HTT: variants seen among roughly 807,000 people sequenced by gnomAD.
HTT encodes huntington disease protein.
HTT carries 104 observed loss-of-function variants against 362.3 expected under a neutral mutation model. The ratio of observed to expected loss-of-function variants is 0.29; its 90% CI spans 0.24 to 0.34. HTT has a LOEUF of 0.34. Ranked by LOEUF, HTT falls within the 10% of genes least tolerant of loss-of-function variation. HTT has a pLI of 1.00. For synonymous variants in HTT, 1,577 were observed against 1,548.7 expected (o/e 1.02, Z -0.43); for missense variants, 3,301 against 3,928.6 (o/e 0.84, Z 4.27).
chr4:3,187,891 G>A lies in HTT; in HGVS notation c.5225+5G>A, dbSNP rs1718841582. On this transcript the variant is annotated splice_donor_5th_base_variant and intron_variant, in intron 39 of 66. Coordinates refer to ENST00000355072, the MANE Select transcript of HTT (RefSeq NM_001388492.1). ...GCCAGAAGAAACATTTTCAAGGTAT[G>A]CTTTCTATCTGAGCCTATAACTAAC... The A allele has an allele frequency of 2.6e-6, 4 of 1,566,746 alleles. No individual in the cohort carries two copies. In the South Asian group the frequency reaches 4.5e-5, roughly 17 times the overall value.
chr4:3,080,414 A>G (rs986480982), intron 1 of HTT, among the ~76,000 whole-genome samples: 3 of 152,136 alleles, frequency 2.0e-5, no homozygotes, highest in Non-Finnish European at 4.4e-5. Context: ...GCTCTTTCTT[A>G]TACTTACCTT....
intron 6 of HTT, among the ~76,000 whole-genome samples, chr4:3,111,064 T>A: frequency 6.6e-6 from 1 of 152,170 alleles, no homozygotes; most frequent in East Asian, 1.9e-4. Context: ...GTTGCCCAGG[T>A]TGTGGTGCAG....
Position 3,236,114 on chromosome 4 carries a change from A to G in HTT, c.8786-35A>G, listed in dbSNP as rs148050584. 639 of 1,457,892 alleles carry G rather than the reference A, an allele frequency of 4.4e-4. 4 individuals carry two copies. In the African/African-American group the frequency reaches 7.4e-3, roughly 17 times the overall value. The allele number at this position is 1,457,892 out of a possible 1,614,324, so 90.3% of individuals were successfully genotyped here. On this transcript the variant is annotated intron_variant, in intron 63 of 66. Transcript: ENST00000355072. ...GTCTACAGAGCCTATTGGGTTGTAT[A>G]GAGGTAACCTTCGTACTGAACACTT... is the stretch of plus-strand genomic sequence containing the variant.
intron 54 of HTT, among the ~76,000 whole-genome samples, 163 bp from the exon 55 acceptor site, chr4:3,223,243 G>A (rs1055764759): frequency 1.3e-5 from 2 of 152,244 alleles, no homozygotes; most frequent in African/African-American, 4.8e-5. Context: ...CGTGTGTGCG[G>A]AGGCCCTGCC....
chr4:3,088,253 C>G (rs1713316027), intron 2 of HTT, among the ~76,000 whole-genome samples: 1 of 147,704 alleles, frequency 6.8e-6, no homozygotes, highest in African/African-American at 2.5e-5. Context: ...GTGGCATGAT[C>G]TTGGCTTACT....
Position 3,211,994 on chromosome 4 carries a change from G to A in HTT, c.6480G>A (p.Gln2160=), listed in dbSNP as rs1194659608. Residue 2160 remains glutamine, a synonymous_variant, in exon 48 of 67, where the codon CAG becomes CAA. Coordinates refer to ENST00000355072, the MANE Select transcript of HTT (RefSeq NM_001388492.1). The stretch of plus-strand genomic sequence containing the variant: ...GGATGAGTGAAATTTCTGGTGGCCA[G>A]AAGAGTGCCCTTTTTGAAGCAGCCC... ...SLGMSEISGG[Q]KSALFEAARE... 6.2e-7 allele frequency: 1 copy of A among 1,614,220 alleles called. No homozygotes were observed. The highest frequency in any genetic ancestry group is 1.7e-5 in the Admixed American group (1 of 60,034).
At chr4:3,199,676 A>G (rs778063676) in intron 40 of HTT, 56 bp from the exon 41 acceptor site, 3 of 1,488,358 alleles carry the variant, frequency 2.0e-6, no homozygotes, top group African/African-American at 2.8e-5. Flanking sequence ...TCGCGTAGCC[A>G]TGTGGCACTG....
intron 26 of HTT, 152 bp from the exon 27 acceptor site, chr4:3,154,141 A>G: frequency 1.6e-6 from 1 of 606,586 alleles, no homozygotes; most frequent in Non-Finnish European, 2.9e-6. Flanking sequence ...CAGTGTCTGA[A>G]CTGTACATAT....
intron 29 of HTT, among the ~76,000 whole-genome samples, chr4:3,171,302 G>A (rs555934478): frequency 4.4e-4 from 67 of 152,172 alleles, no homozygotes; most frequent in African/African-American, 1.5e-3. Flanking sequence ...TTAAACAAGT[G>A]GAGAGAGAGG....
At chr4:3,191,975 A>G (rs1719031715) in intron 40 of HTT, among the ~76,000 whole-genome samples, 1 of 152,214 alleles carries the variant, frequency 6.6e-6, no homozygotes, top group African/African-American at 2.4e-5. Context: ...AGGCAAGGGT[A>G]GTTGGTAGGA....
chr4:3,091,283 G>A (rs1041770636), intron 2 of HTT, among the ~76,000 whole-genome samples: 5 of 152,282 alleles, frequency 3.3e-5, no homozygotes, highest in Admixed American at 3.3e-4. Context: ...TTAGGGAAAT[G>A]AGGGAAATGA....
chr4:3,210,435 C>G (rs145476190), intron 47 of HTT, among the ~76,000 whole-genome samples: 10 of 152,274 alleles, frequency 6.6e-5, no homozygotes, highest in African/African-American at 1.9e-4. Flanking sequence ...GATCTTTAGT[C>G]GTAAAAGAGA....
chr4:3,092,326 A>G (rs569666345), intron 2 of HTT, among the ~76,000 whole-genome samples: 153 of 152,272 alleles, frequency 1.0e-3, no homozygotes, highest in African/African-American at 3.4e-3. Context: ...GGCCAGATAC[A>G]TTTATACAAG....
At position 3,235,743 on chromosome 4, in the gene HTT, C is replaced by T. The variant is rs1721494654; in HGVS notation, c.8750C>T (p.Ala2917Val). The change falls in exon 63 of 67, where the codon GCG becomes GTG. Residue 2917 changes from alanine to valine, a missense_variant. Around this residue, in one of 4 missense-constraint regions of HTT, gnomAD observed 753 missense variants for 1,021.3 expected, o/e 0.74. Coordinates refer to ENST00000355072, the MANE Select transcript of HTT (RefSeq NM_001388492.1). ...VNVHSPHRAM[A>V]ALGLMLTCMY... is the part of the protein sequence containing the mutation. ...GTGCACAGCCCGCACCGGGCCATGG[C>T]GGCTCTGGGCCTGATGCTCACCTGC... 1.2e-6 allele frequency: 2 copies of T among 1,611,258 alleles called. No homozygotes were observed. The highest frequency in any genetic ancestry group is 1.7e-6 in the Non-Finnish European group (2 of 1,179,974).
chr4:3,182,765 G>C (rs1410227233), intron 37 of HTT, among the ~76,000 whole-genome samples: 2 of 152,160 alleles, frequency 1.3e-5, no homozygotes, highest in Non-Finnish European at 2.9e-5. Context: ...TAACTCTAAA[G>C]CCCGAACCCT....
chr4:3,211,917 C>T lies in HTT; in HGVS notation c.6415-12C>T, dbSNP rs1206240729. ...TGTTATTGTTTGTTAACCTTTAATG[C>T]TCTGATTTCAGGAGTTCAACCTAAG... is the stretch of plus-strand genomic sequence containing the variant. On this transcript the variant is annotated splice_polypyrimidine_tract_variant and intron_variant, in intron 47 of 66. Transcript: ENST00000355072. 1 of 1,598,248 alleles carries T rather than the reference C, an allele frequency of 6.3e-7. No homozygotes were observed. The highest frequency in any genetic ancestry group is 2.2e-5 in the East Asian group (1 of 44,814).
rs1465306389 is a variant in HTT at position 3,094,689 on chromosome 4, G to A, written c.348-4585G>A. ...GGGGGCTGCCCCCCACCTCCCGGAC[G>A]GGGCGGCTGGCCGGGCGGGGGCTGC... On this transcript the variant is annotated intron_variant, in intron 2 of 66. Coordinates refer to ENST00000355072, the MANE Select transcript of HTT (RefSeq NM_001388492.1). 6.9e-5 allele frequency among the ~76,000 whole-genome samples: 9 copies of A among 129,664 alleles called. 1 individual carries two copies. Among genetic ancestry groups the A allele is most frequent in the East Asian group, 4.0e-4 (2 of 4,950 alleles). The allele number at this position is 129,664 out of a possible 152,430, so 85.1% of individuals were successfully genotyped here.
Position 3,239,963 on chromosome 4 carries a change from C to A in HTT, c.9333C>A (p.Ala3111=). Residue 3111 remains alanine, a synonymous_variant, in exon 67 of 67, where the codon GCC becomes GCA. Transcript: ENST00000355072. Reference sequence around the variant, plus strand: ...TAGAGGAGGAGCTCGACCGCAGGGCCTTCCAGTCTGTGCTTGAGGTGGTTG... The same window carrying A: ...TAGAGGAGGAGCTCGACCGCAGGGCATTCCAGTCTGTGCTTGAGGTGGTTG... ...HQIEEELDRR[A]FQSVLEVVAA... The A allele has an allele frequency of 1.9e-6, 3 of 1,595,988 alleles. No individual in the cohort carries two copies. The highest frequency in any genetic ancestry group is 2.6e-6 in the Non-Finnish European group (3 of 1,170,624).
chr4:3,194,315 A>G (rs528912581), intron 40 of HTT, among the ~76,000 whole-genome samples: 1 of 152,170 alleles, frequency 6.6e-6, no homozygotes, highest in Non-Finnish European at 1.5e-5. Flanking sequence ...TGGTTTGCCT[A>G]TTTCACATTC....
Sources: gnomAD v4.1 joint callset for allele counts (sites outside exome capture counted in the v4.1 genomes callset) on GRCh38, gnomAD v4.1.1 for gene constraint, gnomAD v4.1.1 regional missense constraint, MANE v1.5 for transcripts, NCBI Gene and HGNC (gene_info 2026-07-23, HGNC 2026-07-21) for gene names.